Variants in NKAIN2 observed in about 807,000 individuals in gnomAD.
NKAIN2 encodes sodium/potassium transporting ATPase interacting 2.
Under a neutral mutation model 32.6 loss-of-function variants are expected in NKAIN2, and 14 were observed. That is an observed-to-expected ratio of 0.43 (90% confidence interval 0.28 to 0.67). NKAIN2 has a LOEUF of 0.67. Among genes scored for constraint, NKAIN2 ranks in the 30% least tolerant of loss-of-function variants. The pLI is 0.17. For missense variants in NKAIN2, 198 were observed against 258.3 expected (o/e 0.77, Z 1.60); for synonymous variants, 80 against 87.2 (o/e 0.92, Z 0.46).
chr6:124,057,081 A>G (rs1262822686), intron 1 of NKAIN2, among the ~76,000 whole-genome samples: 16 of 152,112 alleles, frequency 1.1e-4, no homozygotes, highest in Admixed American at 1.0e-3. Flanking sequence ...CATGTAAAGA[A>G]GTGCATTTTT....
chr6:124,736,774 C>T (rs1486217588), intron 4 of NKAIN2, among the ~76,000 whole-genome samples: 2 of 151,878 alleles, frequency 1.3e-5, no homozygotes, highest in African/African-American at 4.8e-5. Context: ...TATTTCTGCT[C>T]ATTTACAAGG....
intron 3 of NKAIN2, among the ~76,000 whole-genome samples, chr6:124,530,741 A>G (rs1292329532): frequency 6.6e-6 from 1 of 152,168 alleles, no homozygotes; most frequent in South Asian, 2.1e-4. Flanking sequence ...TATAACTCCT[A>G]GTTTAACACC....
At chr6:124,534,699 T>C (rs1330079583) in intron 3 of NKAIN2, among the ~76,000 whole-genome samples, 4 of 152,192 alleles carry the variant, frequency 2.6e-5, no homozygotes, top group Admixed American at 2.0e-4. Flanking sequence ...CTGCCTTCTT[T>C]CCTTAGCTTG....
chr6:124,656,412 C>G (rs547896096), intron 3 of NKAIN2, among the ~76,000 whole-genome samples: 1 of 151,542 alleles, frequency 6.6e-6, no homozygotes, highest in Admixed American at 6.6e-5. Context: ...CTAACTAACC[C>G]CATCCCTATC....
chr6:123,819,282 G>A (rs893515190), intron 1 of NKAIN2, among the ~76,000 whole-genome samples: 4 of 152,126 alleles, frequency 2.6e-5, no homozygotes, highest in African/African-American at 7.2e-5. Flanking sequence ...AGAGATTGGA[G>A]AAAGACTACT....
chr6:123,856,108 A>G (rs1033250415), intron 1 of NKAIN2, among the ~76,000 whole-genome samples: 7 of 152,204 alleles, frequency 4.6e-5, no homozygotes, highest in African/African-American at 1.7e-4. Flanking sequence ...ACTTATCATA[A>G]TGAGCTGTCA....
chr6:124,223,249 C>T (rs1234642824), intron 1 of NKAIN2, among the ~76,000 whole-genome samples: 3 of 147,006 alleles, frequency 2.0e-5, no homozygotes, highest in African/African-American at 5.0e-5. Flanking sequence ...GTGGAAGAGA[C>T]CAATGAAGCT....
chr6:124,171,114 AC>A (rs1165845694), intron 1 of NKAIN2, among the ~76,000 whole-genome samples: 1 of 152,052 alleles, frequency 6.6e-6, no homozygotes, highest in Non-Finnish European at 1.5e-5. Flanking sequence ...CTCAACTCTC[AC>A]TTTTCCACTA....
chr6:124,701,351 G>C (rs566859152), intron 4 of NKAIN2, among the ~76,000 whole-genome samples: 14 of 152,014 alleles, frequency 9.2e-5, no homozygotes, highest in South Asian at 4.2e-4. Context: ...GACTTTCTTT[G>C]TTTGAGCTGC....
At chr6:124,664,873 A>T (rs1772707219) in intron 4 of NKAIN2, among the ~76,000 whole-genome samples, 1 of 151,574 alleles carries the variant, frequency 6.6e-6, no homozygotes, top group African/African-American at 2.4e-5. Context: ...GGAGTTCACA[A>T]AGAGAAGAAA....
chr6:124,272,997 A>C (rs953840843), intron 1 of NKAIN2, among the ~76,000 whole-genome samples: 1 of 152,178 alleles, frequency 6.6e-6, no homozygotes, highest in African/African-American at 2.4e-5. Flanking sequence ...GAAGTAACTA[A>C]CTTGTTTTTG....
At chr6:124,391,656 A>C (rs1252214313) in intron 3 of NKAIN2, among the ~76,000 whole-genome samples, 1 of 152,042 alleles carries the variant, frequency 6.6e-6, no homozygotes, top group African/African-American at 2.4e-5. Flanking sequence ...GTTAAATATA[A>C]TTTTTCAAGT....
At chr6:124,379,444 C>A (rs1800163230) in intron 3 of NKAIN2, among the ~76,000 whole-genome samples, 1 of 151,942 alleles carries the variant, frequency 6.6e-6, no homozygotes, top group African/African-American at 2.4e-5. Context: ...CTTCTCAATT[C>A]TTTCATCATT....
chr6:123,993,457 TTTC>T (rs2114694106), intron 1 of NKAIN2, among the ~76,000 whole-genome samples: 1 of 152,316 alleles, frequency 6.6e-6, no homozygotes, highest in African/African-American at 2.4e-5. Context: ...AAAAGGACAC[TTTC>T]TTTTCAGGTC....
chr6:124,604,073 G>A (rs564442809), intron 3 of NKAIN2, among the ~76,000 whole-genome samples: 7 of 152,046 alleles, frequency 4.6e-5, no homozygotes, highest in African/African-American at 1.2e-4. Flanking sequence ...GCTTTCTCCC[G>A]GAGGGCTAGA....
At chr6:124,461,255 C>G (rs1218238362) in intron 3 of NKAIN2, among the ~76,000 whole-genome samples, 1 of 151,700 alleles carries the variant, frequency 6.6e-6, no homozygotes, top group Non-Finnish European at 1.5e-5. Flanking sequence ...AATTACAGGG[C>G]ACATTACTAT....
chr6:123,846,456 G>T (rs892217404), intron 1 of NKAIN2, among the ~76,000 whole-genome samples: 5 of 152,152 alleles, frequency 3.3e-5, no homozygotes, highest in Admixed American at 6.5e-5. Context: ...TCTACCCCAT[G>T]GGTGTTTCTT....
At chr6:124,527,867 AAGAG>A (rs373829672) in intron 3 of NKAIN2, among the ~76,000 whole-genome samples, 30 of 152,278 alleles carry the variant, frequency 2.0e-4, no homozygotes, top group African/African-American at 6.7e-4. Flanking sequence ...GCATTCTAGA[AAGAG>A]AGAAGAGCAT....
chr6:124,345,403 G>C (rs1798361119), intron 2 of NKAIN2, among the ~76,000 whole-genome samples: 2 of 152,194 alleles, frequency 1.3e-5, no homozygotes, highest in African/African-American at 2.4e-5. Flanking sequence ...GTTTCAGAAG[G>C]AATTAGTACG....
Sources: gnomAD v4.1 joint callset for allele counts (sites outside exome capture counted in the v4.1 genomes callset) on GRCh38, gnomAD v4.1.1 for gene constraint, MANE v1.5 for transcripts, NCBI Gene and HGNC (gene_info 2026-07-23, HGNC 2026-07-21) for gene names.